PXK: variants seen among roughly 807,000 people sequenced by gnomAD.
The protein encoded by PXK is PX domain-containing protein kinase-like protein.
A neutral mutation model predicts 84.7 loss-of-function variants in PXK; 35 were observed. The observed-to-expected ratio is 0.41, with a 90% confidence interval of 0.32 to 0.55. The LOEUF is 0.55. Ranked by LOEUF, PXK falls within the 20% of genes least tolerant of loss-of-function variation. PXK has a pLI of 0.21. For missense variants in PXK, 634 were observed against 699.7 expected, an observed-to-expected ratio of 0.91 and a Z score of 1.06; for synonymous variants, 253 against 260.8, an observed-to-expected ratio of 0.97 and a Z score of 0.29.
chr3:58,349,733 A>G (rs1224308706), intron 1 of PXK, among the ~76,000 whole-genome samples: 1 of 152,222 alleles, frequency 6.6e-6, no homozygotes, highest in Non-Finnish European at 1.5e-5. Context: ...TTTAGCCACT[A>G]GGCTAATAAA....
intron 4 of PXK, among the ~76,000 whole-genome samples, chr3:58,387,599 T>C (rs139626114): frequency 3.4e-4 from 52 of 152,190 alleles, no homozygotes; most frequent in African/African-American, 1.2e-3. Context: ...CACGGAGATC[T>C]GAGGGGTGAG....
chr3:58,360,557 T>C (rs186098399), intron 1 of PXK, among the ~76,000 whole-genome samples: 2,148 of 152,146 alleles, frequency 0.014, 62 homozygotes, highest in African/African-American at 0.049. Context: ...AGCTCCAGGC[T>C]GGGCACAGTG....
At chr3:58,360,144 TAGAG>T (rs527385553) in intron 1 of PXK, among the ~76,000 whole-genome samples, 212 of 151,932 alleles carry the variant, frequency 1.4e-3, no homozygotes, top group Middle Eastern at 3.4e-3. Flanking sequence ...TAAAAAAAAA[TAGAG>T]GGAGAGATTT....
rs1352443051 is a variant in PXK at position 58,424,816 on chromosome 3, G to A, written c.1593G>A (p.Ala531=). 1.9e-6 allele frequency: 3 copies of A among 1,614,082 alleles called. No homozygotes were observed. The highest frequency in any genetic ancestry group is 1.6e-4 in the Middle Eastern group (1 of 6,062). ...CACCAGCAGCTCCCTTGCCTCCTGCGAGCACCGAGGCACCTGCCCAGCTCT... is the reference window on the plus strand; with the variant it reads ...CACCAGCAGCTCCCTTGCCTCCTGCAAGCACCGAGGCACCTGCCCAGCTCT... ...PPPPAAPLPP[A]STEAPAQLSS... The change falls in exon 18 of 18, where the codon GCG becomes GCA. Residue 531 remains alanine (A), a synonymous_variant. Coordinates refer to ENST00000356151, the MANE Select transcript of PXK (RefSeq NM_017771.5).
In PXK at chr3:58,423,594, G is replaced by A. The variant is rs753581592; in HGVS notation, c.1529-1158G>A. ...TTGTGTTGGTGATTCTGAGCCAGTCGTCCATACAAACTTAAGTAGGGTAGC... is the reference window on the plus strand; with the variant it reads ...TTGTGTTGGTGATTCTGAGCCAGTCATCCATACAAACTTAAGTAGGGTAGC... On this transcript the variant is annotated intron_variant, in intron 17 of 17. Coordinates refer to ENST00000356151, the MANE Select transcript of PXK (RefSeq NM_017771.5). 68 of 1,519,744 alleles carry A rather than the reference G, an allele frequency of 4.5e-5. No individual in the cohort carries two copies. In the Middle Eastern group the frequency reaches 8.5e-4, roughly 19 times the overall value. 94.1% of individuals were successfully genotyped at this position (1,519,744 alleles called of 1,614,324 possible).
rs1035089628 is a variant in PXK, at chr3:58,399,491, C to T, written c.1181+114C>T. On this transcript the variant is annotated intron_variant, in intron 12 of 17. Transcript: ENST00000356151. This position sits in a 1 kb window ranked among gnomAD's most constrained non-coding sequence, Gnocchi z 4.3. ...ATTCTTGCGGTCCCTGCAGAGTTGG[C>T]GTGGCCTGCTTGCTGATGGGCACTT... 29 of 1,081,320 alleles carry T rather than the reference C, an allele frequency of 2.7e-5. No homozygotes were observed. The highest frequency in any genetic ancestry group is 4.7e-5 in the African/African-American group (3 of 63,962). 67.0% of individuals were successfully genotyped at this position (1,081,320 alleles called of 1,614,324 possible). A position where few individuals can be genotyped will look rare whatever the true frequency, so the allele number is the denominator to read the frequency against.
At chr3:58,360,452 A>G (rs930453688) in intron 1 of PXK, among the ~76,000 whole-genome samples, 5 of 152,260 alleles carry the variant, frequency 3.3e-5, no homozygotes, top group Admixed American at 1.3e-4. Context: ...TTCAGTAGAA[A>G]GGATTTGTTG....
chr3:58,344,541 C>T (rs1031165064), intron 1 of PXK, among the ~76,000 whole-genome samples: 10 of 152,176 alleles, frequency 6.6e-5, no homozygotes, highest in Non-Finnish European at 1.2e-4. Flanking sequence ...GACAAGTGGT[C>T]GGCTGGGCAC....
intron 3 of PXK, among the ~76,000 whole-genome samples, chr3:58,374,337 A>T (rs1482826998): frequency 6.6e-6 from 1 of 151,660 alleles, no homozygotes; most frequent in Non-Finnish European, 1.5e-5. Flanking sequence ...TGCCTGGCTA[A>T]TTTTTTTGTA....
At chr3:58,393,806 G>A (rs1305266958) in intron 7 of PXK, among the ~76,000 whole-genome samples, 2 of 152,076 alleles carry the variant, frequency 1.3e-5, no homozygotes, top group Non-Finnish European at 2.9e-5. Flanking sequence ...CATTTAATGT[G>A]ATTTTCTAAC....
chr3:58,402,570 C>T (rs1311698262), intron 12 of PXK, among the ~76,000 whole-genome samples: 1 of 151,494 alleles, frequency 6.6e-6, no homozygotes, highest in African/African-American at 2.4e-5. Context: ...GCTGGAACTA[C>T]AGGTGCGTGC....
chr3:58,409,535 C>T lies in PXK; in HGVS notation c.1312C>T (p.His438Tyr). 6.2e-7 allele frequency: 1 copy of T among 1,612,772 alleles called. No individual in the cohort carries two copies. Among genetic ancestry groups the T allele is most frequent in the East Asian group, 2.2e-5 (1 of 44,866 alleles). Residue 438 changes from histidine (H) to tyrosine (Y), a missense_variant, in exon 15 of 18, where the codon CAC becomes TAC. Physicochemically the swap from His to Tyr is moderately conservative, Grantham distance 83. This residue lies in a region of PXK where 273 missense variants were observed against 283.6 expected (regional missense o/e 0.96). Transcript: ENST00000356151. This position sits in a 1 kb window ranked among gnomAD's most constrained non-coding sequence, Gnocchi z 4.2. Reference sequence around the variant, plus strand: ...TACATCTTATGGTCTTTTAAAGATTCACCAGCATCGAAGACTGACAAGAGC... The same window carrying T: ...TACATCTTATGGTCTTTTAAAGATTTACCAGCATCGAAGACTGACAAGAGC... ...KRLIEEQKQI[H>Y]QHRRLTRAQS...
intron 9 of PXK, 136 bp from the exon 10 acceptor site, chr3:58,396,903 G>A: frequency 1.2e-6 from 1 of 861,404 alleles, no homozygotes; most frequent in Non-Finnish European, 1.7e-6. Context: ...GGGTAGAGGT[G>A]GCATTTTTCT....
At chr3:58,340,738 A>T (rs1019602175) in intron 1 of PXK, among the ~76,000 whole-genome samples, 7 of 151,752 alleles carry the variant, frequency 4.6e-5, no homozygotes, top group Non-Finnish European at 1.0e-4. Context: ...AAAAAAAAAA[A>T]GTTTAAATGG....
intron 4 of PXK, among the ~76,000 whole-genome samples, chr3:58,386,002 C>A (rs1479723613): frequency 1.3e-5 from 2 of 152,064 alleles, no homozygotes; most frequent in Non-Finnish European, 2.9e-5. Context: ...CATTCTGCTC[C>A]CAGGGGATGG....
Position 58,390,201 on chromosome 3 carries a change from C to G in PXK, c.389-381C>G, listed in dbSNP as rs796337396. Reference sequence around the variant, plus strand: ...TCAAAAAACAAAAAACAAAACTAAACAAAAGAAGTTGCAATGATAGTACAG... The same window carrying G: ...TCAAAAAACAAAAAACAAAACTAAAGAAAAGAAGTTGCAATGATAGTACAG... On this transcript the variant is annotated intron_variant, in intron 4 of 17. Coordinates refer to ENST00000356151, the MANE Select transcript of PXK (RefSeq NM_017771.5). The surrounding 1 kb of genome is among the most constrained non-coding windows in gnomAD (Gnocchi z 4.2). Among the ~76,000 whole-genome samples, 4 of 151,886 alleles carry G rather than the reference C, an allele frequency of 2.6e-5. No homozygotes were observed. The highest frequency in any genetic ancestry group is 9.7e-5 in the African/African-American group (4 of 41,424).
In PXK at chr3:58,390,786, C is replaced by T; in HGVS notation, c.466+127C>T. 1.2e-6 allele frequency: 1 copy of T among 835,376 alleles called. No individual in the cohort carries two copies. Among genetic ancestry groups the T allele is most frequent in the Non-Finnish European group, 1.8e-6 (1 of 544,958 alleles). The allele number at this position is 835,376 out of a possible 1,614,324, so 51.7% of individuals were successfully genotyped here. ...GTGACTTCTTTTTCTTTTTGCATAT[C>T]AACTGCTTGAGGATACAGCTGGTAA... On this transcript the variant is annotated intron_variant, in intron 5 of 17. Transcript: ENST00000356151. The surrounding 1 kb of genome is among the most constrained non-coding windows in gnomAD (Gnocchi z 4.2).
chr3:58,417,161 C>T lies in PXK; in HGVS notation c.1528+4198C>T, dbSNP rs2061102522. Among the ~76,000 whole-genome samples, 2 of 152,194 alleles carry T rather than the reference C, an allele frequency of 1.3e-5. 1 individual carries two copies. Among genetic ancestry groups the T allele is most frequent in the Admixed American group, 1.3e-4 (2 of 15,276 alleles). On this transcript the variant is annotated intron_variant, in intron 17 of 17. Transcript: ENST00000356151. ...GCACAAGCACTCCTCTCACCTCAGC[C>T]TCCAAATTGCTGGGATTATAGATGG... is the stretch of plus-strand genomic sequence containing the variant.
intron 13 of PXK, among the ~76,000 whole-genome samples, chr3:58,404,595 C>G (rs1337011024): frequency 6.6e-6 from 1 of 152,140 alleles, no homozygotes; most frequent in African/African-American, 2.4e-5. Context: ...TGCATGTACT[C>G]ATGTGTAAAA....
Sources: allele counts gnomAD v4.1 joint callset (sites outside exome capture counted in the v4.1 genomes callset), GRCh38; gene constraint gnomAD v4.1.1; regional missense constraint gnomAD v4.1.1; non-coding constraint Gnocchi (gnomAD v3.1); transcripts MANE v1.5; gene names NCBI Gene and HGNC (gene_info 2026-07-23, HGNC 2026-07-21).